GNS: variants seen among roughly 807,000 people sequenced by gnomAD.
The protein encoded by GNS is N-acetylglucosamine-6-sulfatase.
In GNS, 40 loss-of-function variants were observed where a neutral mutation model predicts 69.7. The ratio of observed to expected loss-of-function variants is 0.57; its 90% CI spans 0.45 to 0.75. The LOEUF (loss-of-function observed/expected upper bound fraction) is 0.75, where lower values mean the gene tolerates loss of function less well. Among genes scored for constraint, GNS ranks in the 30% least tolerant of loss-of-function variants. The pLI is 0.00. For missense variants in GNS, 565 were observed against 685.5 expected, an observed-to-expected ratio of 0.82 and a Z score of 1.96; for synonymous variants, 243 against 251.6, an observed-to-expected ratio of 0.97 and a Z score of 0.32.
At chr12:64,747,020 C>A (rs373480815) in intron 3 of GNS, among the ~76,000 whole-genome samples, 3 of 152,224 alleles carry the variant, frequency 2.0e-5, no homozygotes, top group Non-Finnish European at 4.4e-5. Flanking sequence ...CAAACATTCT[C>A]GAACATACTA....
intron 9 of GNS, among the ~76,000 whole-genome samples, chr12:64,730,560 C>A (rs1241185053): frequency 6.6e-6 from 1 of 151,832 alleles, no homozygotes; most frequent in Non-Finnish European, 1.5e-5. Flanking sequence ...TCTAACTCTG[C>A]AGCTGTCAGG....
At chr12:64,753,464 C>T (rs1455075045) in intron 1 of GNS, among the ~76,000 whole-genome samples, 12 of 152,196 alleles carry the variant, frequency 7.9e-5, no homozygotes, top group South Asian at 6.2e-4. Context: ...CATTTAAATA[C>T]GAATAAAAGG....
rs1265130212 is a variant in GNS at position 64,747,746 on chromosome 12, T to A, written c.425A>T (p.Tyr142Phe). ...ATATTTCCCTGCAAAAAAGGTCTGA[T>A]AACCACACATTGATCTGAGAATTGC... Reference protein sequence around the residue: ...FPAILRSMCGYQTFFAGKYLN... With the variant: ...FPAILRSMCGFQTFFAGKYLN... Residue 142 changes from tyrosine (Y) to phenylalanine (F), a missense_variant, in exon 3 of 14, where the codon TAT becomes TTT. By Grantham distance (22) the Tyr-to-Phe change is conservative. This residue lies in a region of GNS where 384 missense variants were observed against 511.0 expected (regional missense o/e 0.75). Transcript: ENST00000258145. The A allele has an allele frequency of 6.2e-7, 1 of 1,611,996 alleles. No homozygotes were observed. Among genetic ancestry groups the A allele is most frequent in the Non-Finnish European group, 8.5e-7 (1 of 1,177,980 alleles).
At chr12:64,754,818 G>C (rs935039458) in intron 1 of GNS, among the ~76,000 whole-genome samples, 5 of 151,486 alleles carry the variant, frequency 3.3e-5, no homozygotes, top group African/African-American at 4.9e-5. Context: ...GTGCCCAGAA[G>C]TTCGAGGCTG....
intron 9 of GNS, among the ~76,000 whole-genome samples, chr12:64,732,183 TTTG>T (rs1869420847): frequency 7.3e-6 from 1 of 136,680 alleles, no homozygotes; most frequent in South Asian, 2.6e-4. Context: ...TTTTTTTTTT[TTTG>T]AGACGGAGTC....
rs1396978700 is a variant in GNS at position 64,729,206 on chromosome 12, T to C, written c.1099-149A>G. On this transcript the variant is annotated intron_variant, in intron 9 of 13. Coordinates refer to ENST00000258145, the MANE Select transcript of GNS (RefSeq NM_002076.4). ...CCCATACTTTGGTCTGTTTCATAGA[T>C]CCAAATATAACTATAATAACTTCAA... 10 of 672,178 alleles carry C rather than the reference T, an allele frequency of 1.5e-5. 1 individual carries two copies. The highest frequency in any genetic ancestry group is 1.1e-4 in the South Asian group (7 of 62,286). The allele number at this position is 672,178 out of a possible 1,614,324, so 41.6% of individuals were successfully genotyped here.
chr12:64,759,047 C>G, intron 1 of GNS, 38 bp downstream of exon 1: 1 of 1,507,146 alleles, frequency 6.6e-7, no homozygotes, highest in Non-Finnish European at 9.0e-7. Context: ...GTAGTCAGCC[C>G]AAGAGATAGA....
intron 5 of GNS, among the ~76,000 whole-genome samples, chr12:64,743,523 T>TA (rs1869811334): frequency 6.6e-6 from 1 of 152,224 alleles, no homozygotes; most frequent in Non-Finnish European, 1.5e-5. Flanking sequence ...CATACCAACA[T>TA]AAGAAGGCAA....
At chr12:64,758,679 G>A (rs1265952203) in intron 1 of GNS, among the ~76,000 whole-genome samples, 2 of 152,106 alleles carry the variant, frequency 1.3e-5, no homozygotes, top group African/African-American at 2.4e-5. Context: ...CAAACGTGGA[G>A]GTGGTCTAGG....
chr12:64,731,101 G>C (rs1029403401), intron 9 of GNS, among the ~76,000 whole-genome samples: 1 of 152,142 alleles, frequency 6.6e-6, no homozygotes, highest in Non-Finnish European at 1.5e-5. Context: ...TTTTGAGACA[G>C]GGTCTCATTT....
In GNS at chr12:64,737,031, A is replaced by G. The variant is rs779476775; in HGVS notation, c.1071T>C (p.Pro357=). 2 of 1,592,876 alleles carry G rather than the reference A, an allele frequency of 1.3e-6. No individual in the cohort carries two copies. Among genetic ancestry groups the G allele is most frequent in the Admixed American group, 3.3e-5 (2 of 59,980 alleles). Residue 357 remains proline, a synonymous_variant, in exon 9 of 14, where the codon CCT becomes CCC. Coordinates refer to ENST00000258145, the MANE Select transcript of GNS (RefSeq NM_002076.4). ...DIKVPLLVRG[P]GIKPNQTSKM... The stretch of plus-strand genomic sequence containing the variant: ...TGCTTGTCTGATTTGGTTTGATCCC[A>G]GGTCCTCGAACCAACAGTGGAACTT...
chr12:64,753,453 T>C (rs919118692), intron 1 of GNS, among the ~76,000 whole-genome samples: 2 of 152,172 alleles, frequency 1.3e-5, no homozygotes, highest in African/African-American at 4.8e-5. Context: ...ATGAAGACAG[T>C]CATTTAAATA....
At chr12:64,735,494 C>T (rs1330283227) in intron 9 of GNS, among the ~76,000 whole-genome samples, 1 of 152,214 alleles carries the variant, frequency 6.6e-6, no homozygotes, top group South Asian at 2.1e-4. Context: ...TCTCAGGAAC[C>T]AGACTTCATT....
At chr12:64,723,183 T>G in intron 10 of GNS, 70 bp from the exon 11 acceptor site, 1 of 961,066 alleles carries the variant, frequency 1.0e-6, no homozygotes, top group Non-Finnish European at 1.7e-6. Flanking sequence ...AGTAATTGAC[T>G]GCTAAAGGGG....
Position 64,715,040 on chromosome 12 carries a change from T to C in GNS, c.*1701A>G, listed in dbSNP as rs1386695372. 6.6e-6 allele frequency: 1 copy of C among 152,654 alleles called. No individual in the cohort carries two copies. The highest frequency in any genetic ancestry group is 1.9e-4 in the East Asian group (1 of 5,196). 9.5% of individuals were successfully genotyped at this position (152,654 alleles called of 1,614,324 possible). A position where few individuals can be genotyped will look rare whatever the true frequency, so the allele number is the denominator to read the frequency against. On this transcript the variant is annotated 3_prime_UTR_variant, in exon 14 of 14. Coordinates refer to ENST00000258145, the MANE Select transcript of GNS (RefSeq NM_002076.4). ...CTGATAGAAAAGCTACTTTCAGCCA[T>C]GTCTTACAAAGTGCTTAAAGCTGGA...
intron 9 of GNS, among the ~76,000 whole-genome samples, chr12:64,734,552 G>T (rs879289885): frequency 6.6e-5 from 10 of 152,206 alleles, no homozygotes; most frequent in South Asian, 2.1e-4. Flanking sequence ...CAAAAGCCAG[G>T]AGGTGACAGA....
At chr12:64,758,813 A>T (rs531740700) in intron 1 of GNS, among the ~76,000 whole-genome samples, 38 of 152,308 alleles carry the variant, frequency 2.5e-4, no homozygotes, top group African/African-American at 8.9e-4. Context: ...ACTGGTCTCC[A>T]CATGTTTATC....
rs1040945232 is a variant in GNS, at chr12:64,748,622, C to T, written c.253-704G>A. 3.3e-5 allele frequency among the ~76,000 whole-genome samples: 5 copies of T among 152,296 alleles called. No homozygotes were observed. The Middle Eastern group carries it at 0.01, about 311-fold the overall frequency. ...CACAGTGGTTCATTTGCAGGCTGAT[C>T]TGCAGCTTTACACATTTCCTATATC... is the stretch of plus-strand genomic sequence containing the variant. On this transcript the variant is annotated intron_variant, in intron 2 of 13. Coordinates refer to ENST00000258145, the MANE Select transcript of GNS (RefSeq NM_002076.4).
At chr12:64,747,622 TTTAACA>T in intron 3 of GNS, 84 bp downstream of exon 3, 16 of 813,974 alleles carry the variant, frequency 2.0e-5, no homozygotes, top group Middle Eastern at 3.3e-4. Context: ...CAAGAAATCC[TTTAACA>T]TTAATTGAAA....
Sources: allele counts gnomAD v4.1 joint callset (sites outside exome capture counted in the v4.1 genomes callset), GRCh38; gene constraint gnomAD v4.1.1; regional missense constraint gnomAD v4.1.1; transcripts MANE v1.5; gene names NCBI Gene and HGNC (gene_info 2026-07-23, HGNC 2026-07-21).